Variants in RSRC1 observed in about 807,000 individuals in gnomAD.
The protein encoded by RSRC1 is serine/Arginine-related protein 53.
RSRC1 carries 39 observed loss-of-function variants against 49.1 expected under a neutral mutation model. The ratio of observed to expected loss-of-function variants is 0.79; its 90% CI spans 0.61 to 1.04. The LOEUF (loss-of-function observed/expected upper bound fraction) is 1.04. Among genes scored for constraint, RSRC1 ranks in the 50% least tolerant of loss-of-function variants. The pLI, the probability that RSRC1 is intolerant of heterozygous loss-of-function variation, is 0.00. For missense variants in RSRC1, 388 were observed against 402.4 expected, an observed-to-expected ratio of 0.96 and a Z score of 0.31; for synonymous variants, 143 against 130.8, an observed-to-expected ratio of 1.09 and a Z score of -0.63.
chr3:158,114,963 G>C (rs1451048417), intron 1 of RSRC1, among the ~76,000 whole-genome samples: 1 of 152,122 alleles, frequency 6.6e-6, no homozygotes, highest in Non-Finnish European at 1.5e-5. Context: ...TTGACTTCCT[G>C]TCTTCCTATT....
chr3:158,542,730 C>A (rs1713106080), intron 8 of RSRC1, among the ~76,000 whole-genome samples: 1 of 152,054 alleles, frequency 6.6e-6, no homozygotes, highest in African/African-American at 2.4e-5. Context: ...TGAAAATGTT[C>A]TAAAGTTGAT....
chr3:158,518,297 G>A (rs961046379), intron 7 of RSRC1, among the ~76,000 whole-genome samples: 7 of 149,920 alleles, frequency 4.7e-5, no homozygotes, highest in African/African-American at 1.7e-4. Context: ...GTCAGTTTGT[G>A]TAACATCAAA....
rs779332462 is a variant in RSRC1 at position 158,302,726 on chromosome 3, A to C, written c.531+4651A>C. 3 of 136,932 alleles carry C rather than the reference A, an allele frequency of 2.2e-5. No individual in the cohort carries two copies. In the South Asian group the frequency reaches 6.9e-4, roughly 31 times the overall value. The allele number at this position is 136,932 out of a possible 1,614,324, so 8.5% of individuals were successfully genotyped here. On this transcript the variant is annotated intron_variant, in intron 5 of 9. Transcript: ENST00000611884. Reference sequence around the variant, plus strand: ...TCCCAGGCAGGAGAGCAGTGGTGCAATCTTGGCTCACTGCAGCCTCCACCT... The same window carrying C: ...TCCCAGGCAGGAGAGCAGTGGTGCACTCTTGGCTCACTGCAGCCTCCACCT...
intron 7 of RSRC1, among the ~76,000 whole-genome samples, chr3:158,524,928 G>A (rs537283164): frequency 9.2e-5 from 14 of 152,012 alleles, no homozygotes; most frequent in Admixed American, 6.6e-4. Context: ...GGACCCATAA[G>A]AATTAGCTTG....
At position 158,409,596 on chromosome 3, in the gene RSRC1, A is replaced by G. The variant is rs532599617; in HGVS notation, c.584-51339A>G. On this transcript the variant is annotated intron_variant, in intron 6 of 9. Coordinates refer to ENST00000611884, the MANE Select transcript of RSRC1 (RefSeq NM_001271838.2). ...CTCCCTAAAAGCAGGAATTTTGCCT[A>G]TTTGTTCAATAACATGTCCCCCATC... Among the ~76,000 whole-genome samples the G allele has an allele frequency of 3.3e-5, 5 of 152,188 alleles. No individual in the cohort carries two copies. The East Asian group carries it at 7.7e-4, about 24-fold the overall frequency.
At chr3:158,149,192 TTAAG>T (rs1183001591) in intron 3 of RSRC1, among the ~76,000 whole-genome samples, 2 of 152,256 alleles carry the variant, frequency 1.3e-5, no homozygotes, top group East Asian at 1.9e-4. Flanking sequence ...CTTTTTACTC[TTAAG>T]TGTTTATAGT....
intron 6 of RSRC1, among the ~76,000 whole-genome samples, chr3:158,426,967 C>A (rs1191228023): frequency 6.6e-6 from 1 of 151,574 alleles, no homozygotes; most frequent in Admixed American, 6.6e-5. Context: ...TGTCCTTAGC[C>A]CCTAGGGAAG....
At chr3:158,279,662 A>G (rs1012440028) in intron 4 of RSRC1, among the ~76,000 whole-genome samples, 3 of 152,234 alleles carry the variant, frequency 2.0e-5, no homozygotes, top group African/African-American at 4.8e-5. Flanking sequence ...ATTTATTGTG[A>G]GAAAGTAATT....
At chr3:158,183,558 C>A (rs941115743) in intron 3 of RSRC1, among the ~76,000 whole-genome samples, 16 of 151,882 alleles carry the variant, frequency 1.1e-4, no homozygotes, top group South Asian at 6.2e-4. Context: ...GAAAGGACCA[C>A]TAAAAAAAGG....
intron 3 of RSRC1, among the ~76,000 whole-genome samples, chr3:158,158,831 C>G (rs112618220): frequency 6.6e-6 from 1 of 151,002 alleles, no homozygotes; most frequent in African/African-American, 2.4e-5. Context: ...CTCAGCTACT[C>G]GGGAGGCTGA....
chr3:158,293,521 G>A (rs1578299699), intron 4 of RSRC1, among the ~76,000 whole-genome samples: 2 of 151,732 alleles, frequency 1.3e-5, no homozygotes, highest in South Asian at 4.2e-4. Flanking sequence ...ATCTTTTCTG[G>A]GATTTCAATT....
At chr3:158,442,737 A>G (rs1258402262) in intron 6 of RSRC1, among the ~76,000 whole-genome samples, 3 of 152,088 alleles carry the variant, frequency 2.0e-5, no homozygotes, top group Admixed American at 6.6e-5. Flanking sequence ...TTGGAAGTCC[A>G]TCAGAGGACT....
chr3:158,191,181 G>C (rs1054793452), intron 3 of RSRC1, among the ~76,000 whole-genome samples: 2 of 151,906 alleles, frequency 1.3e-5, no homozygotes, highest in African/African-American at 4.8e-5. Flanking sequence ...ATCACTCCTA[G>C]AGTGTAGGTC....
chr3:158,202,562 T>TTATATATATATATATATA (rs56789942), intron 3 of RSRC1, among the ~76,000 whole-genome samples: 47 of 91,988 alleles, frequency 5.1e-4, no homozygotes, highest in African/African-American at 2.1e-3. Flanking sequence ...GTCTGGTAGA[T>TTATATATATATATATATA]TATATATATA....
At chr3:158,113,523 C>T (rs1172323532) in intron 1 of RSRC1, among the ~76,000 whole-genome samples, 2 of 151,980 alleles carry the variant, frequency 1.3e-5, no homozygotes, top group Non-Finnish European at 2.9e-5. Context: ...CACGCTTCAC[C>T]ACGCCCAGCT....
intron 6 of RSRC1, among the ~76,000 whole-genome samples, chr3:158,363,643 A>G (rs1375215847): frequency 6.6e-6 from 1 of 152,224 alleles, no homozygotes; most frequent in Non-Finnish European, 1.5e-5. Context: ...TACAAAATGC[A>G]TAACCTTATT....
intron 5 of RSRC1, among the ~76,000 whole-genome samples, chr3:158,324,682 G>A (rs112742314): frequency 0.048 from 7,373 of 152,094 alleles, 600 homozygotes; most frequent in African/African-American, 0.17. Flanking sequence ...GAATAGTGCC[G>A]CAATAAACAT....
chr3:158,202,216 T>C (rs1379520405), intron 3 of RSRC1, among the ~76,000 whole-genome samples: 1 of 152,140 alleles, frequency 6.6e-6, no homozygotes, highest in African/African-American at 2.4e-5. Flanking sequence ...AGTTTCACCA[T>C]GTTGGCCAGG....
intron 3 of RSRC1, among the ~76,000 whole-genome samples, chr3:158,177,943 G>T (rs1029070022): frequency 3.9e-5 from 6 of 152,148 alleles, no homozygotes; most frequent in East Asian, 3.9e-4. Context: ...AGTATGGAGA[G>T]AATTGACACA....
Sources: gnomAD v4.1 joint callset for allele counts (sites outside exome capture counted in the v4.1 genomes callset) on GRCh38, gnomAD v4.1.1 for gene constraint, MANE v1.5 for transcripts, NCBI Gene and HGNC (gene_info 2026-07-23, HGNC 2026-07-21) for gene names.